The following ALPK2 variants were observed in gnomAD, a reference collection of about 807,000 sequenced individuals.
ALPK2 encodes alpha-protein kinase 2.
Under a neutral mutation model 163.1 loss-of-function variants are expected in ALPK2, and 127 were observed. The observed-to-expected ratio is 0.78, with a 90% CI of 0.67 to 0.90. The LOEUF (loss-of-function observed/expected upper bound fraction) is 0.90. ALPK2 is among the 40% of genes least tolerant of loss of function. The probability of loss-of-function intolerance (pLI) is 0.00; values close to 1 mark genes in which losing one functional copy is unlikely to be tolerated. For synonymous variants in ALPK2, 953 were observed against 959.1 expected, an observed-to-expected ratio of 0.99 and a Z score of 0.12; for missense variants, 2,360 against 2,589.6, an observed-to-expected ratio of 0.91 and a Z score of 1.92.
rs755326092 is a variant in ALPK2 at position 58,535,547 on chromosome 18, A to T, written c.4640T>A (p.Ile1547Lys). 6.2e-7 allele frequency: 1 copy of T among 1,614,210 alleles called. No homozygotes were observed. The highest frequency in any genetic ancestry group is 2.2e-5 in the East Asian group (1 of 44,884). The change falls in exon 5 of 13, where the codon ATA becomes AAA. Residue 1547 changes from isoleucine to lysine, a missense_variant. Coordinates refer to ENST00000361673, the MANE Select transcript of ALPK2 (RefSeq NM_052947.4). ...AACCCCAAGAGAAGCGTGAGTCATT[A>T]TTGGAAGACAACTAGAAAGAGGTGA... ...PTSPLSSCLP[I>K]MTHASLGVDT...
At chr18:58,553,159 A>G (rs749796683) in intron 4 of ALPK2, among the ~76,000 whole-genome samples, 5 of 152,176 alleles carry the variant, frequency 3.3e-5, no homozygotes. Flanking sequence ...CCTCCAGGGA[A>G]AACCAATACT....
intron 11 of ALPK2, among the ~76,000 whole-genome samples, chr18:58,502,263 G>A (rs2051436420): frequency 6.6e-6 from 1 of 152,066 alleles, no homozygotes; most frequent in Non-Finnish European, 1.5e-5. Context: ...GATGAGGCAG[G>A]AGGGTCACTT....
rs2051598729 is a variant in ALPK2 at position 58,529,109 on chromosome 18, A to G, written c.5483T>C (p.Ile1828Thr). The G allele has an allele frequency of 1.2e-6, 2 of 1,614,128 alleles. No homozygotes were observed. Among genetic ancestry groups the G allele is most frequent in the Non-Finnish European group, 1.7e-6 (2 of 1,179,972 alleles). Residue 1828 changes from isoleucine to threonine, a missense_variant, in exon 6 of 13, where the codon ATA (isoleucine) becomes ACA (threonine). Transcript: ENST00000361673. ...TICWTKDSKS[I>T]AQVQRSAGDN... Reference sequence around the variant, plus strand: ...ATCGCACCTTCTCTGCACTTGGGCTATGGACTTTGAATCTTTTGTCCAGCA... The same window carrying G: ...ATCGCACCTTCTCTGCACTTGGGCTGTGGACTTTGAATCTTTTGTCCAGCA...
intron 4 of ALPK2, among the ~76,000 whole-genome samples, chr18:58,548,510 G>A (rs1180155743): frequency 6.6e-6 from 1 of 152,024 alleles, no homozygotes; most frequent in Non-Finnish European, 1.5e-5. Context: ...TAGTAGAGAT[G>A]GGGTTTTGCC....
intron 8 of ALPK2, among the ~76,000 whole-genome samples, chr18:58,519,056 C>T (rs571261276): frequency 6.6e-6 from 1 of 152,292 alleles, no homozygotes; most frequent in East Asian, 1.9e-4. Context: ...ATAACTCCTA[C>T]TGAGTAACCT....
chr18:58,486,059 CCTGT>C (rs746574805), intron 12 of ALPK2, among the ~76,000 whole-genome samples: 2 of 152,176 alleles, frequency 1.3e-5, no homozygotes, highest in Non-Finnish European at 2.9e-5. Flanking sequence ...AAAGAGAGCC[CCTGT>C]CTAATAGTCT....
chr18:58,494,087 G>A (rs981979384), intron 12 of ALPK2, among the ~76,000 whole-genome samples: 2 of 152,128 alleles, frequency 1.3e-5, no homozygotes, highest in African/African-American at 2.4e-5. Flanking sequence ...GCTTTAGATC[G>A]GTCTGGAGTT....
In ALPK2 at chr18:58,529,113, A is replaced by G. The variant is rs760789296; in HGVS notation, c.5479T>C (p.Ser1827Pro). The G allele has an allele frequency of 3.5e-5, 56 of 1,613,976 alleles. 1 individual carries two copies. Among genetic ancestry groups the G allele is most frequent in the Non-Finnish European group, 2.2e-5 (26 of 1,179,982 alleles). ...STICWTKDSK[S>P]IAQVQRSAGD... is the part of the protein sequence containing the mutation. ...CACCTTCTCTGCACTTGGGCTATGG[A>G]CTTTGAATCTTTTGTCCAGCAGATA... The change falls in exon 6 of 13, where the codon TCC becomes CCC. Residue 1827 changes from serine to proline, a missense_variant. Physicochemically the swap from Ser to Pro is moderately conservative, Grantham distance 74. Coordinates refer to ENST00000361673, the MANE Select transcript of ALPK2 (RefSeq NM_052947.4).
intron 8 of ALPK2, among the ~76,000 whole-genome samples, chr18:58,520,428 CAAAAAAAAAAAA>C (rs61028795): frequency 4.7e-5 from 3 of 64,386 alleles, no homozygotes; most frequent in African/African-American, 1.6e-4. Flanking sequence ...GACTCCGTCT[CAAAAAAAAAAAA>C]AAAAAAAAAA....
chr18:58,516,071 T>A (rs890226190), intron 9 of ALPK2, among the ~76,000 whole-genome samples: 1 of 151,804 alleles, frequency 6.6e-6, no homozygotes, highest in East Asian at 1.9e-4. Flanking sequence ...AAATAAAAAT[T>A]AGTTGGGCGT....
At chr18:58,524,122 AAT>A in intron 6 of ALPK2, 60 bp from the exon 7 acceptor site, 1 of 1,558,296 alleles carries the variant, frequency 6.4e-7, no homozygotes, top group Non-Finnish European at 8.7e-7. Flanking sequence ...ATTTTTTCCT[AAT>A]ATACTTAAGG....
At chr18:58,530,109 G>A (rs2051605323) in intron 5 of ALPK2, among the ~76,000 whole-genome samples, 1 of 152,204 alleles carries the variant, frequency 6.6e-6, no homozygotes. Flanking sequence ...TATGTAATCC[G>A]TAGCCAAACC....
chr18:58,621,279 T>C (rs2052197360), intron 1 of ALPK2, among the ~76,000 whole-genome samples: 1 of 114,376 alleles, frequency 8.7e-6, no homozygotes, highest in South Asian at 2.9e-4. Flanking sequence ...GATCACTTTC[T>C]TTTTTTTTTT....
chr18:58,592,776 A>G (rs2052020797), intron 3 of ALPK2, among the ~76,000 whole-genome samples: 1 of 152,266 alleles, frequency 6.6e-6, no homozygotes. Flanking sequence ...CAGACTTAGC[A>G]GCGAATGTGC....
chr18:58,580,584 A>G (rs2051953699), intron 3 of ALPK2, 36 bp from the exon 4 acceptor site: 1 of 1,548,108 alleles, frequency 6.5e-7, no homozygotes, highest in Non-Finnish European at 8.8e-7. Context: ...AGTTTGCCAC[A>G]TTTGGACATG....
At chr18:58,492,566 T>G (rs1255768141) in intron 12 of ALPK2, among the ~76,000 whole-genome samples, 1 of 152,204 alleles carries the variant, frequency 6.6e-6, no homozygotes, top group Non-Finnish European at 1.5e-5. Context: ...TGCCTCGTGC[T>G]TCTGTCTCCT....
chr18:58,623,070 C>A (rs1044279346), intron 1 of ALPK2, among the ~76,000 whole-genome samples: 1 of 152,086 alleles, frequency 6.6e-6, no homozygotes, highest in Non-Finnish European at 1.5e-5. Flanking sequence ...AACTAACCAC[C>A]TGTCAGCAAG....
At chr18:58,549,273 A>G (rs1283769170) in intron 4 of ALPK2, among the ~76,000 whole-genome samples, 2 of 152,208 alleles carry the variant, frequency 1.3e-5, no homozygotes, top group Non-Finnish European at 2.9e-5. Context: ...AGAGCTATAA[A>G]TTGCAAGGTA....
At chr18:58,609,430 T>C (rs1401687438) in intron 2 of ALPK2, among the ~76,000 whole-genome samples, 1 of 152,220 alleles carries the variant, frequency 6.6e-6, no homozygotes, top group Admixed American at 6.5e-5. Flanking sequence ...ATCACACTCC[T>C]TTATAGGAAG....
Sources: gnomAD v4.1 joint callset for allele counts (sites outside exome capture counted in the v4.1 genomes callset) on GRCh38, gnomAD v4.1.1 for gene constraint, MANE v1.5 for transcripts, NCBI Gene and HGNC (gene_info 2026-07-23, HGNC 2026-07-21) for gene names.